PEAK1: variants seen among roughly 807,000 people sequenced by gnomAD.
The protein encoded by PEAK1 is inactive tyrosine-protein kinase PEAK1.
PEAK1 carries 54 observed loss-of-function variants against 124.7 expected under a neutral mutation model. That is an observed-to-expected ratio of 0.43 (90% confidence interval 0.35 to 0.54). The LOEUF (loss-of-function observed/expected upper bound fraction) is 0.54. Ranked by LOEUF, PEAK1 falls within the 20% of genes least tolerant of loss-of-function variation. PEAK1 has a pLI of 0.01. For synonymous variants in PEAK1, 719 were observed against 760.0 expected, an observed-to-expected ratio of 0.95 and a Z score of 0.89; for missense variants, 2,046 against 2,134.5, an observed-to-expected ratio of 0.96 and a Z score of 0.82.
intron 2 of PEAK1, among the ~76,000 whole-genome samples, chr15:77,294,297 A>G (rs1406722303): frequency 6.6e-6 from 1 of 152,216 alleles, no homozygotes; most frequent in Non-Finnish European, 1.5e-5. Flanking sequence ...ATATAACAGA[A>G]GAACTCTGCT....
At chr15:77,137,982 G>A (rs1329911275) in intron 8 of PEAK1, among the ~76,000 whole-genome samples, 1 of 152,174 alleles carries the variant, frequency 6.6e-6, no homozygotes, top group East Asian at 1.9e-4. Flanking sequence ...AGTCTCACAA[G>A]ATCTGACGGT....
chr15:77,174,672 T>A (rs2056733572), intron 7 of PEAK1, among the ~76,000 whole-genome samples: 1 of 152,088 alleles, frequency 6.6e-6, no homozygotes, highest in South Asian at 2.1e-4. Context: ...AAGTTTAATA[T>A]CTCCCAAGGT....
At chr15:77,311,307 T>C (rs1023748659) in intron 2 of PEAK1, among the ~76,000 whole-genome samples, 3 of 152,124 alleles carry the variant, frequency 2.0e-5, no homozygotes, top group African/African-American at 7.2e-5. Context: ...AAGTCTTAAT[T>C]AAGGTCTAAA....
chr15:77,309,172 A>C (rs2064280867), intron 2 of PEAK1, among the ~76,000 whole-genome samples: 1 of 152,116 alleles, frequency 6.6e-6, no homozygotes, highest in Non-Finnish European at 1.5e-5. Context: ...GCCATTACCA[A>C]AGATGAATAT....
chr15:77,137,062 C>G (rs2053395993), intron 8 of PEAK1, among the ~76,000 whole-genome samples: 1 of 152,248 alleles, frequency 6.6e-6, no homozygotes, highest in Non-Finnish European at 1.5e-5. Context: ...AGCCCCAAGC[C>G]TTGGCAGCTT....
intron 6 of PEAK1, among the ~76,000 whole-genome samples, chr15:77,222,483 T>C (rs1192867368): frequency 6.6e-6 from 1 of 152,042 alleles, no homozygotes; most frequent in Admixed American, 6.6e-5. Context: ...ACTAAGGAAT[T>C]TTCATTTTAT....
intron 1 of PEAK1, among the ~76,000 whole-genome samples, chr15:77,408,059 AG>A (rs2072029275): frequency 6.6e-6 from 1 of 150,790 alleles, no homozygotes; most frequent in Non-Finnish European, 1.5e-5. Flanking sequence ...ATACATGCAT[AG>A]ATACACATAT....
At chr15:77,151,104 G>T (rs1170452865) in intron 8 of PEAK1, among the ~76,000 whole-genome samples, 2 of 152,118 alleles carry the variant, frequency 1.3e-5, no homozygotes, top group African/African-American at 2.4e-5. Flanking sequence ...TTCCACAATG[G>T]TTGAACTAGT....
intron 2 of PEAK1, among the ~76,000 whole-genome samples, chr15:77,338,644 AAT>A (rs1555487054): frequency 0.016 from 2,147 of 135,854 alleles, 59 homozygotes; most frequent in African/African-American, 0.053. Flanking sequence ...TAAAAAAAAA[AAT>A]ATATATATAT....
chr15:77,217,273 A>G (rs2152872547), intron 6 of PEAK1, among the ~76,000 whole-genome samples: 1 of 151,608 alleles, frequency 6.6e-6, no homozygotes, highest in East Asian at 1.9e-4. Flanking sequence ...AGCACAAAGT[A>G]CAGTTGAAGC....
rs572515675 is a variant in PEAK1 at position 77,324,832 on chromosome 15, A to G, written c.-602-38328T>C. 2.0e-5 allele frequency among the ~76,000 whole-genome samples: 3 copies of G among 152,288 alleles called. No homozygotes were observed. In the South Asian group the frequency reaches 6.2e-4, roughly 32 times the overall value. On this transcript the variant is annotated intron_variant, in intron 2 of 9. Coordinates refer to ENST00000682557, the MANE Select transcript of PEAK1 (RefSeq NM_001385026.1). Reference sequence around the variant, plus strand: ...AACCATTGATGAGAAATTTGCCCCCATGATCCAATCACCTCCCACCAGGCC... The same window carrying G: ...AACCATTGATGAGAAATTTGCCCCCGTGATCCAATCACCTCCCACCAGGCC...
chr15:77,341,133 G>A (rs924309192), intron 2 of PEAK1, among the ~76,000 whole-genome samples: 1 of 152,060 alleles, frequency 6.6e-6, no homozygotes, highest in Non-Finnish European at 1.5e-5. Flanking sequence ...AGGGTCCGAA[G>A]TGCAGAGTTT....
chr15:77,118,366 T>C (rs1420040219), intron 9 of PEAK1, among the ~76,000 whole-genome samples: 1 of 152,164 alleles, frequency 6.6e-6, no homozygotes, highest in Non-Finnish European at 1.5e-5. Flanking sequence ...AGGAGTATTA[T>C]ATTATTCTAG....
At chr15:77,233,788 C>T (rs993721038) in intron 6 of PEAK1, among the ~76,000 whole-genome samples, 1 of 152,170 alleles carries the variant, frequency 6.6e-6, no homozygotes. Flanking sequence ...TTTTACCATT[C>T]CTTATTACAA....
At chr15:77,418,286 G>C in intron 1 of PEAK1, 5 of 985,334 alleles carry the variant, frequency 5.1e-6, no homozygotes, top group African/African-American at 1.7e-5. Flanking sequence ...CAGGAGATGG[G>C]GGGTAGTGAG....
At chr15:77,350,694 A>G (rs1470887893) in intron 2 of PEAK1, 1 of 985,212 alleles carries the variant, frequency 1.0e-6, no homozygotes, top group Non-Finnish European at 1.2e-6. Context: ...CAGCTTCCTC[A>G]GCCATAGCTC....
chr15:77,243,950 A>G (rs903086890), intron 6 of PEAK1, among the ~76,000 whole-genome samples: 1 of 152,082 alleles, frequency 6.6e-6, no homozygotes, highest in African/African-American at 2.4e-5. Flanking sequence ...CCTGGGCAAC[A>G]GAAGTGAAAC....
At chr15:77,174,300 C>T (rs34640404) in intron 7 of PEAK1, among the ~76,000 whole-genome samples, 11,698 of 152,132 alleles carry the variant, frequency 0.077, 561 homozygotes, top group Non-Finnish European at 0.1. Flanking sequence ...ATTCTTCATT[C>T]CTTATATACA....
At chr15:77,285,270 A>C (rs2062865938) in intron 3 of PEAK1, among the ~76,000 whole-genome samples, 1 of 152,130 alleles carries the variant, frequency 6.6e-6, no homozygotes, top group African/African-American at 2.4e-5. Context: ...AGTTCACGTT[A>C]AGTCCTTACG....
Sources: allele counts gnomAD v4.1 joint callset (sites outside exome capture counted in the v4.1 genomes callset), GRCh38; gene constraint gnomAD v4.1.1; transcripts MANE v1.5; gene names NCBI Gene and HGNC (gene_info 2026-07-23, HGNC 2026-07-21).